The following GPR137B variants were observed in gnomAD, a reference collection of about 807,000 sequenced individuals.
GPR137B encodes G protein-coupled receptor 137B.
In GPR137B, 42 loss-of-function variants were observed where a neutral mutation model predicts 42.5. The ratio of observed to expected loss-of-function variants is 0.99; its 90% CI spans 0.77 to 1.28. The LOEUF (loss-of-function observed/expected upper bound fraction) is 1.28. GPR137B is among the 50% of genes most tolerant of loss of function. The probability of loss-of-function intolerance (pLI) is 0.00; values close to 1 mark genes in which losing one functional copy is unlikely to be tolerated. For synonymous variants in GPR137B, 218 were observed against 209.7 expected, an observed-to-expected ratio of 1.04 and a Z score of -0.34; for missense variants, 487 against 493.9, an observed-to-expected ratio of 0.99 and a Z score of 0.13.
chr1:236,162,535 C>T (rs1402811251), intron 1 of GPR137B, among the ~76,000 whole-genome samples: 5 of 152,234 alleles, frequency 3.3e-5, no homozygotes, highest in African/African-American at 1.2e-4. Flanking sequence ...CAGCCCTTCC[C>T]ATCATAAGCC....
At chr1:236,166,484 T>G (rs6687055) in intron 1 of GPR137B, among the ~76,000 whole-genome samples, 2 of 139,588 alleles carry the variant, frequency 1.4e-5, no homozygotes, top group African/African-American at 5.8e-5. Flanking sequence ...TTATATATAT[T>G]TATATATACA....
At chr1:236,151,053 C>T (rs1661844916) in intron 1 of GPR137B, among the ~76,000 whole-genome samples, 2 of 152,156 alleles carry the variant, frequency 1.3e-5, no homozygotes, top group South Asian at 4.1e-4. Flanking sequence ...TCATGTGATC[C>T]CAAGAGCCGC....
Position 236,171,736 on chromosome 1 carries a change from T to A in GPR137B, c.464+2981T>A, listed in dbSNP as rs1662541759. ...GAAGATGGGGAGAAATAAATTTGGATCCAGATGTTAAAAGTGAGATGTTTG... is the reference window on the plus strand; with the variant it reads ...GAAGATGGGGAGAAATAAATTTGGAACCAGATGTTAAAAGTGAGATGTTTG... On this transcript the variant is annotated intron_variant, in intron 2 of 6. Transcript: ENST00000366592. This position sits in a 1 kb window ranked among gnomAD's most constrained non-coding sequence, Gnocchi z 4.4. Among the ~76,000 whole-genome samples, 2 of 152,078 alleles carry A rather than the reference T, an allele frequency of 1.3e-5. No individual in the cohort carries two copies. Among genetic ancestry groups the A allele is most frequent in the African/African-American group, 4.8e-5 (2 of 41,410 alleles).
intron 1 of GPR137B, among the ~76,000 whole-genome samples, chr1:236,154,318 C>T (rs1661951375): frequency 6.6e-6 from 1 of 152,142 alleles, no homozygotes; most frequent in African/African-American, 2.4e-5. Context: ...CTGTGAACAG[C>T]ACGCGTCATC....
intron 2 of GPR137B, among the ~76,000 whole-genome samples, chr1:236,170,847 G>A (rs1662512487): frequency 6.6e-6 from 1 of 151,700 alleles, no homozygotes; most frequent in South Asian, 2.1e-4. Context: ...GTGGTTGCAG[G>A]TGCCTGTAAT....
intron 1 of GPR137B, 95 bp downstream of exon 1, chr1:236,143,131 C>T: frequency 9.1e-7 from 1 of 1,101,522 alleles, no homozygotes; most frequent in South Asian, 1.5e-5. Context: ...GGGGGCGGGT[C>T]CGGCCCTAGG....
chr1:236,191,156 C>A (rs749031179), intron 5 of GPR137B, among the ~76,000 whole-genome samples: 3 of 152,060 alleles, frequency 2.0e-5, no homozygotes, highest in Non-Finnish European at 4.4e-5. Flanking sequence ...GTGTATGCTT[C>A]ACGAAGTTCT....
rs573629326 is a variant in GPR137B at position 236,175,882 on chromosome 1, GT to G, written c.465-2529del. On this transcript the variant is annotated intron_variant, in intron 2 of 6. Coordinates refer to ENST00000366592, the MANE Select transcript of GPR137B (RefSeq NM_003272.4). ...GGCTGAAGGTTGCATGCAAATTTCAGTTTCCTGATTCTGACCTACACCAAGG... is the reference window on the plus strand; with the variant it reads ...GGCTGAAGGTTGCATGCAAATTTCAGTTCCTGATTCTGACCTACACCAAGG... Among the ~76,000 whole-genome samples the G allele has an allele frequency of 7.9e-5, 12 of 152,162 alleles. 1 individual carries two copies. Among genetic ancestry groups the G allele is most frequent in the African/African-American group, 2.4e-4 (10 of 41,512 alleles).
chr1:236,180,098 G>A, intron 4 of GPR137B, 70 bp downstream of exon 4: 1 of 1,390,300 alleles, frequency 7.2e-7, no homozygotes, highest in African/African-American at 1.4e-5. Flanking sequence ...TTGGTTCCAG[G>A]ACCCCAGAAA....
Position 236,202,674 on chromosome 1 carries a change from C to T in GPR137B, c.967-2452C>T, listed in dbSNP as rs1663527067. Among the ~76,000 whole-genome samples the T allele has an allele frequency of 1.3e-5, 2 of 150,804 alleles. 1 individual carries two copies. Among genetic ancestry groups the T allele is most frequent in the African/African-American group, 5.0e-5 (2 of 40,124 alleles). ...TCCAGATGCAAATCTGAAATCCATTCCCTGCCTGTTGAACTTTCACTTCTT... is the reference window on the plus strand; with the variant it reads ...TCCAGATGCAAATCTGAAATCCATTTCCTGCCTGTTGAACTTTCACTTCTT... On this transcript the variant is annotated intron_variant, in intron 5 of 6. Coordinates refer to ENST00000366592, the MANE Select transcript of GPR137B (RefSeq NM_003272.4).
chr1:236,155,942 T>TGCACAAACAC lies in GPR137B; in HGVS notation c.415-12759_415-12758insAACACGCACA, dbSNP rs1662010885. 2.0e-5 allele frequency among the ~76,000 whole-genome samples: 3 copies of TGCACAAACAC among 152,154 alleles called. No individual in the cohort carries two copies. The highest frequency in any genetic ancestry group is 7.2e-5 in the African/African-American group (3 of 41,420). On this transcript the variant is annotated intron_variant, in intron 1 of 6. Coordinates refer to ENST00000366592, the MANE Select transcript of GPR137B (RefSeq NM_003272.4). The surrounding 1 kb of genome is among the most constrained non-coding windows in gnomAD (Gnocchi z 4.6). ...CTTGTGGGGTGCACATGCACAAACA[T>TGCACAAACAC]GCACACACATACACAAACGCACACA...
chr1:236,208,364 G>A lies in GPR137B; in HGVS notation c.*206G>A. 6.5e-6 allele frequency: 8 copies of A among 1,224,178 alleles called. No homozygotes were observed. Among genetic ancestry groups the A allele is most frequent in the Non-Finnish European group, 8.3e-6 (8 of 959,194 alleles). 75.8% of individuals were successfully genotyped at this position (1,224,178 alleles called of 1,614,324 possible). The stretch of plus-strand genomic sequence containing the variant: ...CTAAAGAGGGAGCCTTGCTATTTCA[G>A]TGGGTATAATTTAAACTTTTTAAAG... On this transcript the variant is annotated 3_prime_UTR_variant, in exon 7 of 7. Transcript: ENST00000366592.
At chr1:236,185,343 G>T (rs1472282905) in intron 5 of GPR137B, among the ~76,000 whole-genome samples, 1 of 152,138 alleles carries the variant, frequency 6.6e-6, no homozygotes, top group African/African-American at 2.4e-5. Context: ...AACTTGGCAT[G>T]ATTAGAGCCA....
rs73121076 is a variant in GPR137B at position 236,156,537 on chromosome 1, C to T, written c.415-12169C>T. Among the ~76,000 whole-genome samples the T allele has an allele frequency of 0.023, 3,455 of 152,346 alleles. 133 individuals are homozygous for T. The highest frequency in any genetic ancestry group is 0.078 in the African/African-American group (3,225 of 41,562). On this transcript the variant is annotated intron_variant, in intron 1 of 6. Coordinates refer to ENST00000366592, the MANE Select transcript of GPR137B (RefSeq NM_003272.4). This position sits in a 1 kb window ranked among gnomAD's most constrained non-coding sequence, Gnocchi z 4.8. ...CGTTTGGAAGAAAAGAACATCCTAA[C>T]GCAGGCATAGAGGCCCCGCCCTTGC...
At chr1:236,158,781 T>C (rs929215349) in intron 1 of GPR137B, among the ~76,000 whole-genome samples, 4 of 151,580 alleles carry the variant, frequency 2.6e-5, no homozygotes, top group African/African-American at 7.3e-5. Flanking sequence ...GTCCAGAGAG[T>C]GGTGGCACAG....
intron 4 of GPR137B, among the ~76,000 whole-genome samples, chr1:236,183,185 C>T (rs115422310): frequency 6.6e-6 from 1 of 152,308 alleles, no homozygotes; most frequent in Non-Finnish European, 1.5e-5. Context: ...ACACCTTAGG[C>T]TCTGTGGATT....
At position 236,208,409 on chromosome 1, in the gene GPR137B, A is replaced by T; in HGVS notation, c.*251A>T. On this transcript the variant is annotated 3_prime_UTR_variant, in exon 7 of 7. Coordinates refer to ENST00000366592, the MANE Select transcript of GPR137B (RefSeq NM_003272.4). ...TTAAAGAAAATCTGTACTTTTATAAAGATGTATTTTGTATAACTTAAATAA... is the reference window on the plus strand; with the variant it reads ...TTAAAGAAAATCTGTACTTTTATAATGATGTATTTTGTATAACTTAAATAA... 1 of 1,072,276 alleles carries T rather than the reference A, an allele frequency of 9.3e-7. No homozygotes were observed. The allele number at this position is 1,072,276 out of a possible 1,614,324, so 66.4% of individuals were successfully genotyped here.
At chr1:236,178,929 C>T (rs559913280) in intron 3 of GPR137B, among the ~76,000 whole-genome samples, 8 of 150,622 alleles carry the variant, frequency 5.3e-5, no homozygotes, top group Admixed American at 2.0e-4. Context: ...TCCTGAGTAG[C>T]TGGGACTACA....
chr1:236,207,989 A>G, intron 6 of GPR137B, 61 bp from the exon 7 acceptor site: 9 of 1,229,732 alleles, frequency 7.3e-6, no homozygotes, highest in Non-Finnish European at 9.4e-6. Flanking sequence ...TACCTAAACT[A>G]GACTATGTCA....
Sources: gnomAD v4.1 joint callset for allele counts (sites outside exome capture counted in the v4.1 genomes callset) on GRCh38, gnomAD v4.1.1 for gene constraint, Gnocchi (gnomAD v3.1) non-coding constraint, MANE v1.5 for transcripts, NCBI Gene and HGNC (gene_info 2026-07-23, HGNC 2026-07-21) for gene names.